Variants in RAB7B observed in about 807,000 individuals in gnomAD.
RAB7B encodes the protein RAB7B, member RAS oncogene family.
At position 205,978,919 on chromosome 1, in the gene RAB7B, T is replaced by C. The variant is rs1660435563; in HGVS notation, c.532A>G (p.Ile178Val). 3 of 398,680 alleles carry C rather than the reference T, an allele frequency of 7.5e-6. No individual in the cohort carries two copies. Among genetic ancestry groups the C allele is most frequent in the African/African-American group, 4.1e-5 (2 of 48,612 alleles). 24.7% of individuals were successfully genotyped at this position (398,680 alleles called of 1,614,324 possible). ...GATTCTGTGAGGTGATTTTCTAAGA[T>C]GCTCTGGTACTGGGGAAGGAAAGAG... Reference protein sequence around the residue: ...ASRALSRYQSILENHLTESIK... With the variant: ...ASRALSRYQSVLENHLTESIK... The change falls in exon 6 of 6, where the codon ATC (isoleucine) becomes GTC (valine). Residue 178 changes from isoleucine to valine, a missense_variant. By Grantham distance (29) the Ile-to-Val change is conservative. Transcript: ENST00000617070.
intron 5 of RAB7B, among the ~76,000 whole-genome samples, chr1:205,979,892 T>G (rs1186891624): frequency 6.6e-6 from 1 of 152,146 alleles, no homozygotes; most frequent in African/African-American, 2.4e-5. Flanking sequence ...GGGTGCTGCC[T>G]CCTTGTCTCT....
intron 1 of RAB7B, among the ~76,000 whole-genome samples, chr1:205,995,690 C>T (rs1049899495): frequency 1.3e-5 from 2 of 152,080 alleles, no homozygotes; most frequent in Non-Finnish European, 2.9e-5. Context: ...AAATTGAACT[C>T]GTAGAAGTAG....
intron 4 of RAB7B, 82 bp from the exon 5 acceptor site, chr1:205,985,747 C>CCCACCAGGCCCACCAAGCCCA (rs1660583688): frequency 4.9e-5 from 15 of 303,066 alleles, no homozygotes; most frequent in Non-Finnish European, 7.6e-5. Flanking sequence ...CCCCACCATC[C>CCCACCAGGCCCACCAAGCCCA]CCATCAGGCC....
chr1:205,999,179 G>A (rs1333971956), intron 1 of RAB7B, among the ~76,000 whole-genome samples: 3 of 152,290 alleles, frequency 2.0e-5, no homozygotes, highest in South Asian at 2.1e-4. Flanking sequence ...GGAGGCCAGC[G>A]GCGTGCTTAG....
chr1:206,002,281 C>T (rs2102257880), intron 1 of RAB7B, among the ~76,000 whole-genome samples: 1 of 152,356 alleles, frequency 6.6e-6, no homozygotes, highest in Admixed American at 6.5e-5. Flanking sequence ...AGTGTACCTA[C>T]AGCCCTGGTT....
chr1:205,984,976 C>T (rs1466617296), intron 5 of RAB7B, among the ~76,000 whole-genome samples: 1 of 152,198 alleles, frequency 6.6e-6, no homozygotes, highest in Non-Finnish European at 1.5e-5. Context: ...TCCTGCCCCA[C>T]CAGACCACAC....
chr1:206,001,614 G>T (rs889263096), intron 1 of RAB7B, among the ~76,000 whole-genome samples: 92 of 152,286 alleles, frequency 6.0e-4, no homozygotes, highest in Non-Finnish European at 1.0e-3. Context: ...TGAAAAGCAG[G>T]ATTGAAATGC....
chr1:205,986,327 A>G (rs1433645726), intron 4 of RAB7B, among the ~76,000 whole-genome samples: 1 of 152,210 alleles, frequency 6.6e-6, no homozygotes, highest in Non-Finnish European at 1.5e-5. Context: ...CATCCTCTCC[A>G]TGACCCTGTG....
intron 1 of RAB7B, 154 bp from the exon 2 acceptor site, chr1:205,994,305 A>G (rs1660774152): frequency 2.6e-6 from 1 of 386,356 alleles, no homozygotes; most frequent in Admixed American, 4.5e-5. Context: ...GTAATTCAGC[A>G]ATCTTCATAT....
At chr1:205,994,000 TG>T (rs1660768728) in intron 2 of RAB7B, 82 bp downstream of exon 2, 1 of 398,234 alleles carries the variant, frequency 2.5e-6, no homozygotes, top group Non-Finnish European at 4.4e-6. Context: ...AAGGGACCTA[TG>T]GGAGATGGGA....
chr1:205,988,769 G>C (rs1428868997), intron 4 of RAB7B, among the ~76,000 whole-genome samples: 1 of 152,166 alleles, frequency 6.6e-6, no homozygotes, highest in African/African-American at 2.4e-5. Context: ...CCAGGTGGGC[G>C]GCTGTGAGTC....
intron 5 of RAB7B, among the ~76,000 whole-genome samples, chr1:205,985,195 T>A (rs1413361244): frequency 2.6e-5 from 4 of 152,192 alleles, no homozygotes; most frequent in African/African-American, 9.7e-5. Context: ...CTCCCACCAA[T>A]GAAGATTGGA....
intron 5 of RAB7B, among the ~76,000 whole-genome samples, chr1:205,982,451 C>T (rs909584341): frequency 5.3e-5 from 8 of 152,196 alleles, no homozygotes; most frequent in South Asian, 2.1e-4. Flanking sequence ...CTCATCCTCT[C>T]GGCAGCACGA....
At chr1:205,993,265 G>A (rs925810274) in intron 3 of RAB7B, among the ~76,000 whole-genome samples, 155 bp downstream of exon 3, 116 of 152,316 alleles carry the variant, frequency 7.6e-4, no homozygotes, top group African/African-American at 2.8e-3. Context: ...TACAAAAATA[G>A]GAGGTGGATC....
intron 1 of RAB7B, among the ~76,000 whole-genome samples, chr1:205,995,149 C>T (rs1660789286): frequency 6.6e-6 from 1 of 151,980 alleles, no homozygotes; most frequent in African/African-American, 2.4e-5. Context: ...AGGAGATATA[C>T]CTAATGTAAA....
Position 205,985,617 on chromosome 1 carries a change from A to G in RAB7B, c.445T>C (p.Tyr149His). ...QGWCREKDIP[Y>H]FEVSAKNDIN... ...TCATTCTTGGCACTGACTTCAAAGT[A>G]AGGAATATCTTTCTCTCTACACCAG... The change falls in exon 5 of 6, where the codon TAC (tyrosine) becomes CAC (histidine). Residue 149 changes from tyrosine to histidine, a missense_variant. Tyr to His is a moderately conservative substitution (Grantham distance 83). Coordinates refer to ENST00000617070, the MANE Select transcript of RAB7B (RefSeq NM_001164522.3). The G allele has an allele frequency of 5.0e-6, 2 of 399,164 alleles. No individual in the cohort carries two copies. Among genetic ancestry groups the G allele is most frequent in the Non-Finnish European group, 8.8e-6 (2 of 226,358 alleles). 24.7% of individuals were successfully genotyped at this position (399,164 alleles called of 1,614,324 possible). A position where few individuals can be genotyped will look rare whatever the true frequency, so the allele number is the denominator to read the frequency against.
chr1:205,988,029 T>C (rs1275505611), intron 4 of RAB7B, among the ~76,000 whole-genome samples: 1 of 152,028 alleles, frequency 6.6e-6, no homozygotes, highest in African/African-American at 2.4e-5. Context: ...ACAGATAAAA[T>C]GTACCTGGCT....
intron 4 of RAB7B, 121 bp from the exon 5 acceptor site, chr1:205,985,786 A>ATCAGGCCCC: frequency 3.1e-6 from 1 of 322,388 alleles, no homozygotes; most frequent in Non-Finnish European, 5.4e-6. Flanking sequence ...CATCATCCCC[A>ATCAGGCCCC]CCAGGCCCAC....
At chr1:205,989,087 C>T (rs1284091579) in intron 4 of RAB7B, among the ~76,000 whole-genome samples, 3 of 152,002 alleles carry the variant, frequency 2.0e-5, no homozygotes, top group African/African-American at 4.8e-5. Context: ...AAACCCCTTC[C>T]CTGGGCCTAC....
Sources: gnomAD v4.1 joint callset for allele counts (sites outside exome capture counted in the v4.1 genomes callset) on GRCh38, gnomAD v4.1.1 for gene constraint, MANE v1.5 for transcripts, NCBI Gene and HGNC (gene_info 2026-07-23, HGNC 2026-07-21) for gene names.